HSPA12A: variants seen among roughly 807,000 people sequenced by gnomAD.
HSPA12A encodes the protein heat shock 70 kDa protein 12A.
HSPA12A carries 28 observed loss-of-function variants against 69.2 expected under a neutral mutation model. That is an observed-to-expected ratio of 0.40 (90% CI 0.30 to 0.55). The LOEUF is 0.55. HSPA12A is among the 20% of genes least tolerant of loss of function. HSPA12A has a pLI of 0.38. For missense variants in HSPA12A, 686 were observed against 900.7 expected, an observed-to-expected ratio of 0.76 and a Z score of 3.05; for synonymous variants, 345 against 370.5, an observed-to-expected ratio of 0.93 and a Z score of 0.79.
intron 2 of HSPA12A, among the ~76,000 whole-genome samples, chr10:116,758,362 C>T (rs1353380477): frequency 6.6e-6 from 1 of 152,166 alleles, no homozygotes; most frequent in African/African-American, 2.4e-5. Context: ...GAATCACCTA[C>T]TATGTGCCAA....
intron 1 of HSPA12A, among the ~76,000 whole-genome samples, chr10:116,722,388 G>A (rs990482363): frequency 2.0e-5 from 3 of 152,116 alleles, no homozygotes; most frequent in African/African-American, 4.8e-5. Context: ...ACGAGCCCAC[G>A]GCTCCAACCA....
At chr10:116,784,484 T>G (rs1844533426) in intron 2 of HSPA12A, among the ~76,000 whole-genome samples, 1 of 152,236 alleles carries the variant, frequency 6.6e-6, no homozygotes, top group Non-Finnish European at 1.5e-5. Context: ...TCCTGTTCAT[T>G]TCAGTAAGCC....
chr10:116,848,248 A>G (rs1313476565), intron 1 of HSPA12A, among the ~76,000 whole-genome samples: 2 of 152,228 alleles, frequency 1.3e-5, no homozygotes, highest in Non-Finnish European at 2.9e-5. Flanking sequence ...AGGCAGGTTC[A>G]TGATGGTCCA....
intron 1 of HSPA12A, among the ~76,000 whole-genome samples, chr10:116,711,986 C>T (rs558028784): frequency 1.6e-3 from 237 of 152,212 alleles, no homozygotes; most frequent in African/African-American, 5.5e-3. Flanking sequence ...TGTGCCCGGC[C>T]AACACTGACC....
intron 2 of HSPA12A, among the ~76,000 whole-genome samples, chr10:116,773,403 G>A (rs962847513): frequency 6.6e-6 from 1 of 152,240 alleles, no homozygotes. Flanking sequence ...ACAGCCTAGC[G>A]GGCAGACAGG....
intron 1 of HSPA12A, among the ~76,000 whole-genome samples, chr10:116,714,224 G>A (rs1475032119): frequency 1.3e-5 from 2 of 152,090 alleles, no homozygotes; most frequent in African/African-American, 4.8e-5. Context: ...AAGAGTGTCA[G>A]GGAGTTCTTT....
chr10:116,849,278 G>A (rs554731406), intron 1 of HSPA12A, among the ~76,000 whole-genome samples: 16 of 152,316 alleles, frequency 1.1e-4, no homozygotes, highest in Non-Finnish European at 8.8e-5. Flanking sequence ...TCCCCCTCTG[G>A]AAAATCGCCA....
At chr10:116,800,666 GA>G (rs1424730467) in intron 2 of HSPA12A, among the ~76,000 whole-genome samples, 6 of 152,112 alleles carry the variant, frequency 3.9e-5, no homozygotes, top group African/African-American at 1.4e-4. Context: ...TTCTTGGCTG[GA>G]AAAAATGGGG....
chr10:116,785,798 A>G (rs1000197710), intron 2 of HSPA12A, among the ~76,000 whole-genome samples: 9 of 152,030 alleles, frequency 5.9e-5, no homozygotes, highest in African/African-American at 1.7e-4. Context: ...GCCAGAAGCC[A>G]GGCACCCACT....
intron 1 of HSPA12A, among the ~76,000 whole-genome samples, chr10:116,836,493 G>A (rs1245940919): frequency 6.6e-6 from 1 of 152,120 alleles, no homozygotes; most frequent in East Asian, 1.9e-4. Flanking sequence ...TTCTGGAAGG[G>A]GAATTGCTCC....
chr10:116,687,237 G>A (rs1203275688), intron 6 of HSPA12A, among the ~76,000 whole-genome samples: 1 of 152,148 alleles, frequency 6.6e-6, no homozygotes, highest in Non-Finnish European at 1.5e-5. Flanking sequence ...CAAAAGCTTT[G>A]GCCTGTTTCC....
At chr10:116,830,163 G>A (rs967543838) in intron 2 of HSPA12A, 1 of 152,106 alleles carries the variant, frequency 6.6e-6, no homozygotes, top group Non-Finnish European at 1.5e-5. Context: ...TCCTCTAATG[G>A]GCTTTCTGAC....
At chr10:116,812,473 T>A (rs1020293840) in intron 2 of HSPA12A, among the ~76,000 whole-genome samples, 3 of 150,624 alleles carry the variant, frequency 2.0e-5, no homozygotes, top group African/African-American at 7.3e-5. Context: ...TAAAATAAAA[T>A]AAATAAAATA....
chr10:116,826,491 A>G (rs1446094834), intron 2 of HSPA12A, among the ~76,000 whole-genome samples: 1 of 152,220 alleles, frequency 6.6e-6, no homozygotes, highest in Non-Finnish European at 1.5e-5. Flanking sequence ...AGCCATCTAC[A>G]GATGCGTGAG....
intron 5 of HSPA12A, among the ~76,000 whole-genome samples, chr10:116,696,002 C>CAAAAAAAAAAAAAAAAAGAAAAA (rs1849888147): frequency 3.1e-5 from 1 of 32,714 alleles, no homozygotes; most frequent in Non-Finnish European, 5.0e-5. Context: ...GACTCCATCT[C>CAAAAAAAAAAAAAAAAAGAAAAA]AAAAAAAAAA....
intron 7 of HSPA12A, 44 bp downstream of exon 7, chr10:116,683,747 G>A (rs782729536): frequency 1.4e-6 from 2 of 1,456,560 alleles, no homozygotes; most frequent in African/African-American, 1.4e-5. Flanking sequence ...TCCAGGGCTT[G>A]GGAAGGAAGG....
In HSPA12A at chr10:116,683,886, C is replaced by T. The variant is rs782686950; in HGVS notation, c.740G>A (p.Arg247Gln). 4.4e-6 allele frequency: 7 copies of T among 1,598,978 alleles called. No individual in the cohort carries two copies. The highest frequency in any genetic ancestry group is 3.4e-4 in the Middle Eastern group (2 of 5,866). The change falls in exon 7 of 12, where the codon CGA becomes CAA. Residue 247 changes from arginine (R) to glutamine (Q), a missense_variant. Physicochemically the swap from Arg to Gln is conservative, Grantham distance 43. Transcript: ENST00000369209. ...AATCATCTGGTGTAGCCGCAGCTTT[C>T]GGCAGTAGATAGAGGCTGCCTCAGG... ...LEPEAASIYC[R>Q]KLRLHQMIEL...
At chr10:116,737,513 T>C (rs974975710) in intron 1 of HSPA12A, among the ~76,000 whole-genome samples, 2 of 152,140 alleles carry the variant, frequency 1.3e-5, no homozygotes, top group Non-Finnish European at 2.9e-5. Context: ...AAGACAAAGA[T>C]AAGGAGCGCA....
intron 4 of HSPA12A, among the ~76,000 whole-genome samples, chr10:116,699,043 G>A (rs1296771202): frequency 6.6e-6 from 1 of 152,190 alleles, no homozygotes; most frequent in African/African-American, 2.4e-5. Context: ...TAGAAGTCAG[G>A]AAGAGAGAAT....
Sources: gnomAD v4.1 joint callset for allele counts (sites outside exome capture counted in the v4.1 genomes callset) on GRCh38, gnomAD v4.1.1 for gene constraint, MANE v1.5 for transcripts, NCBI Gene and HGNC (gene_info 2026-07-23, HGNC 2026-07-21) for gene names.